Variants in ABHD2 observed in about 807,000 individuals in gnomAD.
ABHD2 encodes the protein monoacylglycerol lipase ABHD2.
ABHD2 carries 20 observed loss-of-function variants against 48.1 expected under a neutral mutation model. The ratio of observed to expected loss-of-function variants is 0.42; its 90% CI spans 0.29 to 0.60. The LOEUF is 0.60. Among genes scored for constraint, ABHD2 ranks in the 20% least tolerant of loss-of-function variants. The pLI is 0.24. For missense variants in ABHD2, 405 were observed against 550.9 expected, an observed-to-expected ratio of 0.74 and a Z score of 2.65; for synonymous variants, 209 against 214.2, an observed-to-expected ratio of 0.98 and a Z score of 0.21.
At chr15:89,122,652 C>T (rs2050070402) in intron 3 of ABHD2, among the ~76,000 whole-genome samples, 1 of 152,230 alleles carries the variant, frequency 6.6e-6, no homozygotes, top group Non-Finnish European at 1.5e-5. Context: ...CAGTTCACAG[C>T]CTCCACCCTT....
rs571691710 is a variant in ABHD2 at position 89,164,550 on chromosome 15, G to A, written c.538+9016G>A. Reference sequence around the variant, plus strand: ...ACCTGTAATCCCAGCACTTTGGGACGCCCAGGCTGGCAGATCACTTGAGCC... The same window carrying A: ...ACCTGTAATCCCAGCACTTTGGGACACCCAGGCTGGCAGATCACTTGAGCC... On this transcript the variant is annotated intron_variant, in intron 5 of 10. Coordinates refer to ENST00000352732, the MANE Select transcript of ABHD2 (RefSeq NM_152924.5). This position sits in a 1 kb window ranked among gnomAD's most constrained non-coding sequence, Gnocchi z 5.0. Among the ~76,000 whole-genome samples, 95 of 152,212 alleles carry A rather than the reference G, an allele frequency of 6.2e-4. No individual in the cohort carries two copies. Among genetic ancestry groups the A allele is most frequent in the African/African-American group, 1.9e-3 (80 of 41,528 alleles).
At chr15:89,134,487 G>C (rs1037076258) in intron 3 of ABHD2, among the ~76,000 whole-genome samples, 4 of 152,040 alleles carry the variant, frequency 2.6e-5, no homozygotes, top group African/African-American at 7.2e-5. Context: ...GTGTTCTGTT[G>C]ATGGTCCTGA....
chr15:89,193,130 T>C (rs1021703029), intron 9 of ABHD2, 105 bp from the exon 10 acceptor site: 21 of 1,065,492 alleles, frequency 2.0e-5, no homozygotes, highest in Non-Finnish European at 2.9e-5. Context: ...GTGACCCTCT[T>C]CCCTTTGCTT....
chr15:89,123,828 T>G (rs2050091404), intron 3 of ABHD2, among the ~76,000 whole-genome samples: 2 of 152,248 alleles, frequency 1.3e-5, no homozygotes, highest in Admixed American at 1.3e-4. Context: ...CAAGCTGGTC[T>G]TAAACCCCTG....
the ABHD2 span, among the ~76,000 whole-genome samples, chr15:89,080,858 C>G: frequency 2.0e-5 from 3 of 151,990 alleles, no homozygotes; most frequent in African/African-American, 7.2e-5. Flanking sequence ...CCACACCTGG[C>G]CCAAATTTTA....
the ABHD2 span, among the ~76,000 whole-genome samples, chr15:89,053,521 C>T: frequency 6.6e-6 from 1 of 152,206 alleles, no homozygotes; most frequent in African/African-American, 2.4e-5. Flanking sequence ...CTGTGACCAA[C>T]AGCAGCTACC....
intron 5 of ABHD2, among the ~76,000 whole-genome samples, chr15:89,162,694 C>G (rs937304590): frequency 6.6e-6 from 1 of 152,124 alleles, no homozygotes; most frequent in African/African-American, 2.4e-5. Context: ...CTAAAGCTCC[C>G]CCCCAACCCC....
Position 89,155,468 on chromosome 15 carries a change from G to A in ABHD2, c.472G>A (p.Ala158Thr), listed in dbSNP as rs778316032. The A allele has an allele frequency of 1.1e-5, 17 of 1,614,006 alleles. No individual in the cohort carries two copies. Among genetic ancestry groups the A allele is most frequent in the South Asian group, 4.4e-5 (4 of 91,084 alleles). Residue 158 changes from alanine (A) to threonine (T), a missense_variant, in exon 5 of 11, where the codon GCC becomes ACC. Physicochemically the swap from Ala to Thr is moderately conservative, Grantham distance 58. Transcript: ENST00000352732. The surrounding 1 kb of genome is among the most constrained non-coding windows in gnomAD (Gnocchi z 4.9). ...DYAQKNGYRCAVLNHLGALPN... is the reference protein window; with the variant it reads ...DYAQKNGYRCTVLNHLGALPN... ...CGCCCAGAAAAATGGCTATCGGTGCGCCGTGCTGAACCACCTGGGTGCCCT... is the reference window on the plus strand; with the variant it reads ...CGCCCAGAAAAATGGCTATCGGTGCACCGTGCTGAACCACCTGGGTGCCCT...
Position 89,196,153 on chromosome 15 carries a change from A to G in ABHD2, c.*730A>G, listed in dbSNP as rs2051398702. On this transcript the variant is annotated 3_prime_UTR_variant, in exon 11 of 11. Coordinates refer to ENST00000352732, the MANE Select transcript of ABHD2 (RefSeq NM_152924.5). ...GTGCCCCAGATGATTCTCATCACCA[A>G]GCAAATTTTGGAAATGCTGTTCAAC... 1 of 152,378 alleles carries G rather than the reference A, an allele frequency of 6.6e-6. No homozygotes were observed. Among genetic ancestry groups the G allele is most frequent in the South Asian group, 2.1e-4 (1 of 4,822 alleles). The allele number at this position is 152,378 out of a possible 1,614,324, so 9.4% of individuals were successfully genotyped here. A position where few individuals can be genotyped will look rare whatever the true frequency, so the allele number is the denominator to read the frequency against.
the ABHD2 span, among the ~76,000 whole-genome samples, chr15:89,043,044 CT>C: frequency 9.8e-3 from 1,488 of 152,232 alleles, 26 homozygotes; most frequent in African/African-American, 0.034. Flanking sequence ...CCGTAATCTG[CT>C]TTGATGCCTA....
At chr15:89,077,335 A>C in the ABHD2 span, among the ~76,000 whole-genome samples, 1 of 152,264 alleles carries the variant, frequency 6.6e-6, no homozygotes, top group African/African-American at 2.4e-5. Flanking sequence ...CCAATGCTGC[A>C]TAGTATTCCA....
chr15:89,157,527 A>T (rs572422225), intron 5 of ABHD2, among the ~76,000 whole-genome samples: 1 of 152,180 alleles, frequency 6.6e-6, no homozygotes, highest in Non-Finnish European at 1.5e-5. Flanking sequence ...TCTGTTCAGC[A>T]GTTTGGTCAG....
rs2150961623 is a variant in ABHD2, at chr15:89,198,226, A to G, written c.*2803A>G. On this transcript the variant is annotated 3_prime_UTR_variant, in exon 11 of 11. Coordinates refer to ENST00000352732, the MANE Select transcript of ABHD2 (RefSeq NM_152924.5). This position sits in a 1 kb window ranked among gnomAD's most constrained non-coding sequence, Gnocchi z 5.1. ...TATTTTAGAATCAAATTGAGGCTAT[A>G]AATTGCATCAATCTGGACAATTCCA... 6.6e-6 allele frequency: 1 copy of G among 152,344 alleles called. No individual in the cohort carries two copies. Among genetic ancestry groups the G allele is most frequent in the East Asian group, 1.9e-4 (1 of 5,192 alleles). 9.4% of individuals were successfully genotyped at this position (152,344 alleles called of 1,614,324 possible).
chr15:89,139,208 C>G (rs1358384165), intron 3 of ABHD2, among the ~76,000 whole-genome samples: 1 of 152,084 alleles, frequency 6.6e-6, no homozygotes, highest in Non-Finnish European at 1.5e-5. Flanking sequence ...AAGACCTTGT[C>G]TCTAAAAATA....
At chr15:89,093,707 G>T (rs2049564623) in intron 1 of ABHD2, 1 of 152,248 alleles carries the variant, frequency 6.6e-6, no homozygotes, top group Non-Finnish European at 1.5e-5. Context: ...TGCTGTCCTT[G>T]AAAGTATTTC....
chr15:89,099,702 T>C (rs2049670222), intron 1 of ABHD2, among the ~76,000 whole-genome samples: 1 of 151,936 alleles, frequency 6.6e-6, no homozygotes, highest in South Asian at 2.1e-4. Context: ...AGTGGATCAC[T>C]TGAGGCCAGG....
intron 3 of ABHD2, among the ~76,000 whole-genome samples, chr15:89,123,027 G>T (rs1234502055): frequency 1.3e-5 from 2 of 152,216 alleles, no homozygotes; most frequent in Non-Finnish European, 2.9e-5. Flanking sequence ...AGATGCAAAG[G>T]TAATCGCTTT....
At position 89,197,036 on chromosome 15, in the gene ABHD2, G is replaced by A. The variant is rs1283425011; in HGVS notation, c.*1613G>A. 1 of 152,628 alleles carries A rather than the reference G, an allele frequency of 6.6e-6. No homozygotes were observed. Among genetic ancestry groups the A allele is most frequent in the Non-Finnish European group, 1.5e-5 (1 of 68,048 alleles). The allele number at this position is 152,628 out of a possible 1,614,324, so 9.5% of individuals were successfully genotyped here. A position where few individuals can be genotyped will look rare whatever the true frequency, so the allele number is the denominator to read the frequency against. Reference sequence around the variant, plus strand: ...TGGAATATAAGTAGTGGGTCTGCATGGATGTTTCAGGGATCAAAGGAGCCA... The same window carrying A: ...TGGAATATAAGTAGTGGGTCTGCATAGATGTTTCAGGGATCAAAGGAGCCA... On this transcript the variant is annotated 3_prime_UTR_variant, in exon 11 of 11. Transcript: ENST00000352732. The surrounding 1 kb of genome is among the most constrained non-coding windows in gnomAD (Gnocchi z 4.4).
At chr15:89,053,728 A>C in the ABHD2 span, among the ~76,000 whole-genome samples, 1 of 152,234 alleles carries the variant, frequency 6.6e-6, no homozygotes, top group African/African-American at 2.4e-5. Context: ...GTGAATCAGA[A>C]GCCAAGGCAA....
Sources: allele counts gnomAD v4.1 joint callset (sites outside exome capture counted in the v4.1 genomes callset), GRCh38; gene constraint gnomAD v4.1.1; non-coding constraint Gnocchi (gnomAD v3.1); transcripts MANE v1.5; gene names NCBI Gene and HGNC (gene_info 2026-07-23, HGNC 2026-07-21).